FAT3: variants seen among roughly 807,000 people sequenced by gnomAD.
FAT3 encodes the protein FAT atypical cadherin 3.
FAT3 carries 95 observed loss-of-function variants against 310.2 expected under a neutral mutation model. The observed-to-expected ratio is 0.31, with a 90% CI of 0.26 to 0.36. FAT3 has a LOEUF of 0.36. FAT3 is among the 10% of genes least tolerant of loss of function. The probability of loss-of-function intolerance (pLI) is 1.00; values close to 1 mark genes in which losing one functional copy is unlikely to be tolerated. For missense variants in FAT3, 5,408 were observed against 5,715.6 expected, an observed-to-expected ratio of 0.95 and a Z score of 1.74; for synonymous variants, 2,314 against 2,192.9, an observed-to-expected ratio of 1.06 and a Z score of -1.54.
rs545138612 is a variant in FAT3, at chr11:92,345,182, C to T, written c.-17-6914C>T. ...GACTGATGTTCATTTCATCTTCTCC[C>T]TGGAGCCTGCTGTAGAGTTAATGGT... is the stretch of plus-strand genomic sequence containing the variant. On this transcript the variant is annotated intron_variant, in intron 1 of 27. Coordinates refer to ENST00000525166, the MANE Select transcript of FAT3 (RefSeq NM_001367949.2). Among the ~76,000 whole-genome samples, 15 of 152,146 alleles carry T rather than the reference C, an allele frequency of 9.9e-5. No individual in the cohort carries two copies. The South Asian group carries it at 2.9e-3, about 29-fold the overall frequency.
At chr11:92,534,812 A>G (rs1182599105) in intron 3 of FAT3, among the ~76,000 whole-genome samples, 1 of 152,218 alleles carries the variant, frequency 6.6e-6, no homozygotes, top group Non-Finnish European at 1.5e-5. Context: ...AAAACATACA[A>G]ATGTATTTAA....
Position 92,353,306 on chromosome 11 carries a change from A to G in FAT3, c.1194A>G (p.Val398=). The change falls in exon 2 of 28, where the codon GTA becomes GTG. Residue 398 remains valine, a synonymous_variant. Coordinates refer to ENST00000525166, the MANE Select transcript of FAT3 (RefSeq NM_001367949.2). Reference sequence around the variant, plus strand: ...CTCCTGGTGTCGTGGTTGCTATAGTAAAATTAAGTCCTGAACCGATAGATG... The same window carrying G: ...CTCCTGGTGTCGTGGTTGCTATAGTGAAATTAAGTCCTGAACCGATAGATG... ...FSPPGVVVAI[V]KLSPEPIDVE... 2 of 1,613,682 alleles carry G rather than the reference A, an allele frequency of 1.2e-6. No individual in the cohort carries two copies. Among genetic ancestry groups the G allele is most frequent in the South Asian group, 2.2e-5 (2 of 91,050 alleles).
intron 17 of FAT3, 47 bp from the exon 18 acceptor site, chr11:92,840,514 AG>A: frequency 6.9e-7 from 1 of 1,449,110 alleles, no homozygotes; most frequent in Non-Finnish European, 9.3e-7. Context: ...GAATGTGAAG[AG>A]AAGTGTAATT....
chr11:92,360,775 C>A (rs1223033260), intron 2 of FAT3, among the ~76,000 whole-genome samples: 1 of 152,180 alleles, frequency 6.6e-6, no homozygotes, highest in African/African-American at 2.4e-5. Flanking sequence ...ATGTGCCAGG[C>A]ACTGTGCAAG....
At chr11:92,266,990 A>G (rs886406380) in intron 1 of FAT3, among the ~76,000 whole-genome samples, 1 of 152,108 alleles carries the variant, frequency 6.6e-6, no homozygotes, top group African/African-American at 2.4e-5. Context: ...CTTCTGAAAG[A>G]ACTTTGGACT....
intron 2 of FAT3, among the ~76,000 whole-genome samples, chr11:92,404,949 G>T (rs577756414): frequency 6.6e-6 from 1 of 152,050 alleles, no homozygotes; most frequent in African/African-American, 2.4e-5. Context: ...GGCTTCCCTC[G>T]TTTGCAGACC....
intron 2 of FAT3, among the ~76,000 whole-genome samples, chr11:92,413,160 A>G (rs777287330): frequency 1.3e-5 from 2 of 152,126 alleles, no homozygotes; most frequent in Non-Finnish European, 2.9e-5. Context: ...TGCCTTTTTC[A>G]TATGTCATAT....
intron 13 of FAT3, among the ~76,000 whole-genome samples, chr11:92,816,876 T>G (rs1425666372): frequency 6.6e-6 from 1 of 151,870 alleles, no homozygotes; most frequent in Non-Finnish European, 1.5e-5. Context: ...CTCGGGAGGC[T>G]GAGGCAGGAG....
intron 4 of FAT3, among the ~76,000 whole-genome samples, chr11:92,725,478 C>T (rs185487761): frequency 1.6e-4 from 24 of 152,200 alleles, no homozygotes; most frequent in South Asian, 4.2e-4. Context: ...CCTAGGCATC[C>T]GCTTTCTATA....
chr11:92,559,780 T>A (rs770959149), intron 3 of FAT3, among the ~76,000 whole-genome samples: 1 of 152,236 alleles, frequency 6.6e-6, no homozygotes, highest in Non-Finnish European at 1.5e-5. Flanking sequence ...TAAGGATCAT[T>A]TGTGTTGTGT....
At chr11:92,435,798 CT>C (rs1233272730) in intron 2 of FAT3, among the ~76,000 whole-genome samples, 1 of 152,032 alleles carries the variant, frequency 6.6e-6, no homozygotes, top group Non-Finnish European at 1.5e-5. Context: ...AACTCCCAAC[CT>C]CAGGTGATCC....
At chr11:92,851,646 G>A (rs776414260) in intron 19 of FAT3, among the ~76,000 whole-genome samples, 3 of 152,100 alleles carry the variant, frequency 2.0e-5, no homozygotes, top group Non-Finnish European at 4.4e-5. Flanking sequence ...TACCATAAAT[G>A]GCGTCAGTTG....
At chr11:92,459,189 A>G (rs774768556) in intron 2 of FAT3, among the ~76,000 whole-genome samples, 15 of 152,174 alleles carry the variant, frequency 9.9e-5, no homozygotes, top group Non-Finnish European at 1.9e-4. Flanking sequence ...AGCCCTGGGC[A>G]CATGTGAGCA....
intron 2 of FAT3, among the ~76,000 whole-genome samples, chr11:92,362,074 A>G (rs1055482846): frequency 6.6e-6 from 1 of 152,170 alleles, no homozygotes; most frequent in Admixed American, 6.5e-5. Flanking sequence ...ATCTGGTGTT[A>G]TGAGGAAAGA....
intron 2 of FAT3, among the ~76,000 whole-genome samples, chr11:92,419,766 A>C (rs1950499059): frequency 6.6e-6 from 1 of 152,182 alleles, no homozygotes. Flanking sequence ...TAAAGGAGAT[A>C]AATGAGAATC....
At chr11:92,580,165 G>A (rs1938710623) in intron 3 of FAT3, among the ~76,000 whole-genome samples, 1 of 151,976 alleles carries the variant, frequency 6.6e-6, no homozygotes, top group Non-Finnish European at 1.5e-5. Context: ...GAATAGGTGA[G>A]TATGAATAAT....
At chr11:92,528,155 T>C (rs1953936379) in intron 3 of FAT3, among the ~76,000 whole-genome samples, 2 of 152,224 alleles carry the variant, frequency 1.3e-5, no homozygotes, top group Admixed American at 6.5e-5. Context: ...CACAAATAAC[T>C]GGGTTTTTTT....
At chr11:92,661,509 A>G (rs935829699) in intron 3 of FAT3, among the ~76,000 whole-genome samples, 4 of 151,930 alleles carry the variant, frequency 2.6e-5, no homozygotes, top group Admixed American at 1.3e-4. Context: ...ACAGTTTCAC[A>G]TGTGGAATCT....
rs548400054 is a variant in FAT3 at position 92,341,161 on chromosome 11, C to T, written c.-17-10935C>T. ...ATAACTAGCTGGAGGTTCTTGGACA[C>T]TTTCTTTAAGGCGTGTCTACAAAAA... On this transcript the variant is annotated intron_variant, in intron 1 of 27. Coordinates refer to ENST00000525166, the MANE Select transcript of FAT3 (RefSeq NM_001367949.2). Among the ~76,000 whole-genome samples the T allele has an allele frequency of 3.9e-5, 6 of 152,288 alleles. No individual in the cohort carries two copies. In the South Asian group the frequency reaches 1.2e-3, roughly 32 times the overall value.
Sources: allele counts gnomAD v4.1 joint callset (sites outside exome capture counted in the v4.1 genomes callset), GRCh38; gene constraint gnomAD v4.1.1; transcripts MANE v1.5; gene names NCBI Gene and HGNC (gene_info 2026-07-23, HGNC 2026-07-21).